IL1RAP: variants seen among roughly 807,000 people sequenced by gnomAD.
IL1RAP encodes interleukin 1 receptor accessory protein, also known as interleukin-1 receptor accessory protein.
IL1RAP carries 35 observed loss-of-function variants against 60.7 expected under a neutral mutation model. The observed-to-expected ratio is 0.58, with a 90% CI of 0.44 to 0.76. The LOEUF is 0.76. Ranked by LOEUF, IL1RAP falls within the 30% of genes least tolerant of loss-of-function variation. The pLI is 0.00. For missense variants in IL1RAP, 572 were observed against 693.9 expected (o/e 0.82, Z 1.97); for synonymous variants, 268 against 250.9 (o/e 1.07, Z -0.64).
intron 6 of IL1RAP, among the ~76,000 whole-genome samples, chr3:190,620,693 CAG>C (rs1348559894): frequency 6.6e-6 from 1 of 152,144 alleles, no homozygotes; most frequent in Non-Finnish European, 1.5e-5. Context: ...GAGCACCAGA[CAG>C]ATCTGTGTTC....
Position 190,648,653 on chromosome 3 carries a change from G to T in IL1RAP, c.1661G>T (p.Arg554Leu). ...VAMPVKKSPR[R>L]SSSDEQGLSY... ...ATGCCAGTGAAGAAAAGTCCCAGGC[G>T]GTCTAGCAGTGATGAGCAGGGCCTC... The change falls in exon 12 of 12, where the codon CGG becomes CTG. Residue 554 changes from arginine (R) to leucine (L), a missense_variant. Transcript: ENST00000447382. 6.2e-7 allele frequency: 1 copy of T among 1,613,986 alleles called. No individual in the cohort carries two copies. The highest frequency in any genetic ancestry group is 1.7e-5 in the Admixed American group (1 of 59,992).
At chr3:190,577,100 C>CAAAAA (rs34108263) in intron 3 of IL1RAP, among the ~76,000 whole-genome samples, 1 of 86,508 alleles carries the variant, frequency 1.2e-5, no homozygotes, top group Non-Finnish European at 2.2e-5. Context: ...GACTCCGTCT[C>CAAAAA]AAAAAAAAAA....
At chr3:190,641,806 G>A (rs550145023) in intron 9 of IL1RAP, among the ~76,000 whole-genome samples, 1 of 152,178 alleles carries the variant, frequency 6.6e-6, no homozygotes, top group African/African-American at 2.4e-5. Context: ...AAATTACCCT[G>A]TTGTACTGTT....
rs141174422 is a variant in IL1RAP at position 190,612,338 on chromosome 3, C to T, written c.537+3157C>T. Among the ~76,000 whole-genome samples the T allele has an allele frequency of 4.6e-3, 698 of 152,114 alleles. 7 individuals carry two copies. The highest frequency in any genetic ancestry group is 7.0e-3 in the Non-Finnish European group (475 of 67,972). On this transcript the variant is annotated intron_variant, in intron 5 of 11. Transcript: ENST00000447382. ...CCAGTTAAAAAAAAAAGTTTATTTACCGTGCAATCTAGGTTTTAATCTCGA... is the reference window on the plus strand; with the variant it reads ...CCAGTTAAAAAAAAAAGTTTATTTATCGTGCAATCTAGGTTTTAATCTCGA...
chr3:190,579,840 C>A (rs1331330828), intron 3 of IL1RAP, among the ~76,000 whole-genome samples: 2 of 152,120 alleles, frequency 1.3e-5, no homozygotes, highest in Non-Finnish European at 2.9e-5. Context: ...TTATATGTGG[C>A]ATATTGTGAT....
At chr3:190,607,926 A>T (rs1227138876) in intron 4 of IL1RAP, among the ~76,000 whole-genome samples, 1 of 152,104 alleles carries the variant, frequency 6.6e-6, no homozygotes, top group Non-Finnish European at 1.5e-5. Context: ...TCGTTCTATC[A>T]TGTGACAAAA....
intron 3 of IL1RAP, among the ~76,000 whole-genome samples, chr3:190,578,268 G>A (rs1727675261): frequency 6.6e-6 from 1 of 152,120 alleles, no homozygotes; most frequent in African/African-American, 2.4e-5. Context: ...GAAGTAAAGG[G>A]TAACTTAATT....
intron 5 of IL1RAP, among the ~76,000 whole-genome samples, chr3:190,610,645 A>G (rs1238929470): frequency 6.6e-6 from 1 of 152,212 alleles, no homozygotes; most frequent in Non-Finnish European, 1.5e-5. Context: ...TCAGCGAAAC[A>G]TAAAAATAAC....
chr3:190,533,942 T>TG (rs1723205890), intron 1 of IL1RAP, among the ~76,000 whole-genome samples: 1 of 151,714 alleles, frequency 6.6e-6, no homozygotes, highest in Admixed American at 6.6e-5. Context: ...AGGTCAGGAG[T>TG]GAAAAACTCC....
intron 7 of IL1RAP, among the ~76,000 whole-genome samples, chr3:190,623,916 A>G (rs1020585298): frequency 2.0e-5 from 3 of 152,220 alleles, no homozygotes; most frequent in Admixed American, 6.5e-5. Flanking sequence ...ATTTTTCATT[A>G]TAGCCAAAAA....
At chr3:190,551,148 C>A (rs190660718) in intron 1 of IL1RAP, among the ~76,000 whole-genome samples, 255 of 152,314 alleles carry the variant, frequency 1.7e-3, no homozygotes, top group African/African-American at 5.9e-3. Flanking sequence ...AAGTGACATT[C>A]TCTACTGACC....
intron 1 of IL1RAP, among the ~76,000 whole-genome samples, chr3:190,527,108 C>T (rs772249735): frequency 5.9e-5 from 9 of 152,094 alleles, no homozygotes; most frequent in Non-Finnish European, 8.8e-5. Flanking sequence ...TGTATTCCAG[C>T]GATGATCCCA....
chr3:190,604,092 T>A, intron 3 of IL1RAP, 36 bp from the exon 4 acceptor site: 1 of 1,589,248 alleles, frequency 6.3e-7, no homozygotes, highest in Non-Finnish European at 8.6e-7. Flanking sequence ...GTAAAATGAC[T>A]CATCTGCCCC....
chr3:190,584,216 G>C (rs908971393), intron 3 of IL1RAP, among the ~76,000 whole-genome samples: 38 of 152,142 alleles, frequency 2.5e-4, no homozygotes, highest in African/African-American at 8.4e-4. Context: ...TCCATTCCTT[G>C]TTACCAAGTA....
intron 1 of IL1RAP, among the ~76,000 whole-genome samples, chr3:190,540,648 T>C (rs1363322046): frequency 6.6e-6 from 1 of 152,106 alleles, no homozygotes; most frequent in East Asian, 1.9e-4. Flanking sequence ...TTTTTTAATA[T>C]TACTTTAGTG....
chr3:190,549,007 C>CAT (rs148713351), intron 1 of IL1RAP, among the ~76,000 whole-genome samples: 4,624 of 152,240 alleles, frequency 0.03, 102 homozygotes, highest in South Asian at 0.07. Context: ...TGTTGTGAGA[C>CAT]ATTCTCCTTA....
intron 2 of IL1RAP, among the ~76,000 whole-genome samples, chr3:190,561,177 C>A (rs1452608908): frequency 6.6e-6 from 1 of 152,086 alleles, no homozygotes; most frequent in Non-Finnish European, 1.5e-5. Flanking sequence ...CATCTCTGAC[C>A]CAGCACCCTC....
At chr3:190,551,216 T>C (rs1293367206) in intron 1 of IL1RAP, among the ~76,000 whole-genome samples, 1 of 152,146 alleles carries the variant, frequency 6.6e-6, no homozygotes, top group Non-Finnish European at 1.5e-5. Flanking sequence ...CCAGTTTTTT[T>C]CCCCAGAGCT....
chr3:190,570,030 C>T (rs761117081), intron 3 of IL1RAP, among the ~76,000 whole-genome samples: 1 of 152,164 alleles, frequency 6.6e-6, no homozygotes, highest in Admixed American at 6.5e-5. Context: ...TCTTTCACCA[C>T]TTAAAAAGTT....
Sources: gnomAD v4.1 joint callset for allele counts (sites outside exome capture counted in the v4.1 genomes callset) on GRCh38, gnomAD v4.1.1 for gene constraint, MANE v1.5 for transcripts, NCBI Gene and HGNC (gene_info 2026-07-23, HGNC 2026-07-21) for gene names.